The following PTPRT variants were observed in gnomAD, a reference collection of about 807,000 sequenced individuals.
The protein encoded by PTPRT is protein tyrosine phosphatase receptor type T, also known as receptor-type tyrosine-protein phosphatase T.
In PTPRT, 56 loss-of-function variants were observed where a neutral mutation model predicts 176.8. The ratio of observed to expected loss-of-function variants is 0.32; its 90% CI spans 0.26 to 0.40. The LOEUF is 0.40. PTPRT is among the 10% of genes least tolerant of loss of function. The pLI is 1.00. For synonymous variants in PTPRT, 783 were observed against 739.0 expected (o/e 1.06, Z -0.96); for missense variants, 1,540 against 1,908.2 (o/e 0.81, Z 3.60).
chr20:42,499,648 G>A (rs1189699208), intron 7 of PTPRT, among the ~76,000 whole-genome samples: 2 of 152,122 alleles, frequency 1.3e-5, no homozygotes, highest in Non-Finnish European at 2.9e-5. Flanking sequence ...TGATAAAATA[G>A]ACTACTATCT....
At chr20:42,748,515 C>A (rs1168139768) in intron 6 of PTPRT, among the ~76,000 whole-genome samples, 1 of 152,152 alleles carries the variant, frequency 6.6e-6, no homozygotes. Context: ...ATGGCTGCTG[C>A]CACCAAGGAG....
At chr20:42,724,200 T>G (rs2076343884) in intron 6 of PTPRT, among the ~76,000 whole-genome samples, 1 of 152,216 alleles carries the variant, frequency 6.6e-6, no homozygotes, top group Non-Finnish European at 1.5e-5. Context: ...CTAAGTGTAA[T>G]ATTAACCACT....
intron 7 of PTPRT, among the ~76,000 whole-genome samples, chr20:42,493,591 AC>A (rs2071598826): frequency 6.6e-6 from 1 of 152,100 alleles, no homozygotes; most frequent in Non-Finnish European, 1.5e-5. Context: ...TGGTGAGGTC[AC>A]CAGGGCCTAA....
chr20:42,069,219 T>C (rs757697603), downstream of PTPRT, among the ~76,000 whole-genome samples: 1 of 152,230 alleles, frequency 6.6e-6, no homozygotes. Context: ...TTTCACTGAA[T>C]TGTTCTATGG....
intron 7 of PTPRT, among the ~76,000 whole-genome samples, chr20:42,596,157 G>C (rs190207851): frequency 6.6e-6 from 1 of 152,264 alleles, no homozygotes; most frequent in Admixed American, 6.5e-5. Context: ...GTGTCCAGTG[G>C]TATAGATCTA....
chr20:42,477,122 C>T (rs2071304020), intron 7 of PTPRT, among the ~76,000 whole-genome samples: 1 of 152,178 alleles, frequency 6.6e-6, no homozygotes, highest in South Asian at 2.1e-4. Flanking sequence ...TGGCACTTTG[C>T]ACTGTTGTCC....
At chr20:42,289,823 TTAA>T (rs2057290533) in intron 12 of PTPRT, among the ~76,000 whole-genome samples, 1 of 152,090 alleles carries the variant, frequency 6.6e-6, no homozygotes, top group South Asian at 2.1e-4. Flanking sequence ...ACCACACGTT[TTAA>T]AGTCTGTTTT....
chr20:42,518,738 C>T (rs1311347991), intron 7 of PTPRT, among the ~76,000 whole-genome samples: 1 of 151,814 alleles, frequency 6.6e-6, no homozygotes, highest in Admixed American at 6.6e-5. Context: ...TTAATAATTT[C>T]CATTATTTTA....
Position 42,633,818 on chromosome 20 carries a change from T to TATATAA in PTPRT, c.1153+44047_1153+44048insTTATAT, listed in dbSNP as rs1491342115. On this transcript the variant is annotated intron_variant, in intron 7 of 30. Coordinates refer to ENST00000373187, the MANE Select transcript of PTPRT (RefSeq NM_007050.6). ...ATATATATATATATATATATATATA[T>TATATAA]AATAAAATATTAATATATTATAATA... Among the ~76,000 whole-genome samples, 428 of 57,590 alleles carry TATATAA rather than the reference T, an allele frequency of 7.4e-3. 15 individuals carry two copies. Among genetic ancestry groups the TATATAA allele is most frequent in the African/African-American group, 0.031 (383 of 12,200 alleles). 37.8% of individuals were successfully genotyped at this position (57,590 alleles called of 152,430 possible).
intron 8 of PTPRT, among the ~76,000 whole-genome samples, chr20:42,463,498 C>G (rs920468288): frequency 3.3e-5 from 5 of 152,126 alleles, no homozygotes; most frequent in Non-Finnish European, 4.4e-5. Context: ...CAGATGTTTT[C>G]TTGTGCCTTA....
intron 1 of PTPRT, among the ~76,000 whole-genome samples, chr20:43,053,786 C>T (rs933192800): frequency 3.9e-5 from 6 of 152,162 alleles, no homozygotes; most frequent in African/African-American, 9.7e-5. Flanking sequence ...ATCTGCTCAC[C>T]GCTATAACCC....
intron 16 of PTPRT, among the ~76,000 whole-genome samples, chr20:42,182,062 T>C (rs1484510384): frequency 6.6e-6 from 1 of 152,128 alleles, no homozygotes; most frequent in Non-Finnish European, 1.5e-5. Flanking sequence ...AAGCCATATT[T>C]TGGGAAATGC....
intron 27 of PTPRT, among the ~76,000 whole-genome samples, chr20:42,096,752 T>TAAAA (rs113204564): frequency 1.8e-5 from 2 of 114,218 alleles, no homozygotes; most frequent in Non-Finnish European, 3.7e-5. Context: ...CCTGGCTAAT[T>TAAAA]AAAATTTTTT....
At chr20:42,735,793 A>AT (rs2076531087) in intron 6 of PTPRT, among the ~76,000 whole-genome samples, 1 of 151,984 alleles carries the variant, frequency 6.6e-6, no homozygotes, top group Admixed American at 6.6e-5. Context: ...TGGGTCGCCC[A>AT]TACCCTAGCA....
At position 42,267,696 on chromosome 20, in the gene PTPRT, C is replaced by G. The variant is rs375671508; in HGVS notation, c.2176+14793G>C. Among the ~76,000 whole-genome samples, 44 of 152,016 alleles carry G rather than the reference C, an allele frequency of 2.9e-4. 1 individual carries two copies. The highest frequency in any genetic ancestry group is 8.9e-4 in the African/African-American group (37 of 41,396). ...AGCATCCTACAGTGCACAGGACAGC[C>G]CCCTGCCACCGGCCCCCAACAAAGA... On this transcript the variant is annotated intron_variant, in intron 13 of 30. Coordinates refer to ENST00000373187, the MANE Select transcript of PTPRT (RefSeq NM_007050.6).
intron 7 of PTPRT, among the ~76,000 whole-genome samples, chr20:42,571,319 G>A (rs138023979): frequency 5.9e-5 from 9 of 152,334 alleles, no homozygotes; most frequent in African/African-American, 2.2e-4. Flanking sequence ...GAGGAAGAGA[G>A]TTGAAGATGC....
intron 1 of PTPRT, among the ~76,000 whole-genome samples, chr20:43,087,753 G>C (rs1175864708): frequency 1.3e-5 from 2 of 152,038 alleles, no homozygotes; most frequent in Non-Finnish European, 2.9e-5. Flanking sequence ...AAAAGGGAGG[G>C]CGATGGTTTT....
chr20:42,080,621 T>C lies in PTPRT; in HGVS notation c.*258A>G. On this transcript the variant is annotated 3_prime_UTR_variant, in exon 31 of 31. Coordinates refer to ENST00000373187, the MANE Select transcript of PTPRT (RefSeq NM_007050.6). The stretch of plus-strand genomic sequence containing the variant: ...AAATCCAAGGCCTTGCTTGTGGGTG[T>C]ACTTCTGCTTGGGCCCTTGGCTGTG... The C allele has an allele frequency of 2.8e-6, 1 of 358,974 alleles. No individual in the cohort carries two copies. The allele number at this position is 358,974 out of a possible 1,614,324, so 22.2% of individuals were successfully genotyped here.
rs1205390878 is a variant in PTPRT, at chr20:43,145,900, T to C, written c.88+43746A>G. Among the ~76,000 whole-genome samples, 8 of 152,362 alleles carry C rather than the reference T, an allele frequency of 5.3e-5. No individual in the cohort carries two copies. In the East Asian group the frequency reaches 1.5e-3, roughly 29 times the overall value. ...CTTTTGTTCACTGTTTTCTGTTCCA[T>C]AAAGCAACAGAGTCTGTTGATTAAA... On this transcript the variant is annotated intron_variant, in intron 1 of 30. Coordinates refer to ENST00000373187, the MANE Select transcript of PTPRT (RefSeq NM_007050.6).
Sources: allele counts gnomAD v4.1 joint callset (sites outside exome capture counted in the v4.1 genomes callset), GRCh38; gene constraint gnomAD v4.1.1; transcripts MANE v1.5; gene names NCBI Gene and HGNC (gene_info 2026-07-23, HGNC 2026-07-21).